The following MRPL19 variants were observed in gnomAD, a reference collection of about 807,000 sequenced individuals.
MRPL19 encodes the protein large ribosomal subunit protein bL19m.
A neutral mutation model predicts 34.0 loss-of-function variants in MRPL19; 31 were observed. That is an observed-to-expected ratio of 0.91 (90% CI 0.68 to 1.23). The LOEUF (loss-of-function observed/expected upper bound fraction) is 1.23, where lower values mean the gene tolerates loss of function less well. MRPL19 is among the 50% of genes most tolerant of loss of function. The pLI, the probability that MRPL19 is intolerant of heterozygous loss-of-function variation, is 0.00. For missense variants in MRPL19, 384 were observed against 367.6 expected (o/e 1.04, Z -0.37); for synonymous variants, 152 against 127.7 (o/e 1.19, Z -1.28).
chr2:75,647,327 C>T, intron 2 of MRPL19, 108 bp downstream of exon 2: 1 of 1,012,630 alleles, frequency 9.9e-7, no homozygotes, highest in Non-Finnish European at 1.4e-6. Flanking sequence ...TCCCCCTGCA[C>T]GAGCAGGTGT....
Position 75,655,294 on chromosome 2 carries a change from A to G in MRPL19, c.*9A>G, listed in dbSNP as rs560478298. The G allele has an allele frequency of 1.9e-6, 3 of 1,603,788 alleles. No individual in the cohort carries two copies. The highest frequency in any genetic ancestry group is 1.3e-5 in the African/African-American group (1 of 74,744). On this transcript the variant is annotated 3_prime_UTR_variant, in exon 6 of 6. Coordinates refer to ENST00000393909, the MANE Select transcript of MRPL19 (RefSeq NM_014763.4). The stretch of plus-strand genomic sequence containing the variant: ...CGTCGAAAAGGTCTTGATTCTGAGA[A>G]TGAATTTGGTTAGTTGCAGAAGATA...
rs746225312 is a variant in MRPL19, at chr2:75,652,636, A to C, written c.454A>C (p.Arg152=). ...AGGACTTGGAGCTACTTTCATCCTT[A>C]GGAATGTTATCGAAGGACAAGGTAA... is the stretch of plus-strand genomic sequence containing the variant. ...GRGLGATFIL[R]NVIEGQGVEI... The change falls in exon 4 of 6, where the codon AGG becomes CGG. Residue 152 remains arginine (R), a synonymous_variant. Transcript: ENST00000393909. 1 of 1,613,068 alleles carries C rather than the reference A, an allele frequency of 6.2e-7. No individual in the cohort carries two copies. Among genetic ancestry groups the C allele is most frequent in the Non-Finnish European group, 8.5e-7 (1 of 1,179,588 alleles).
rs1438939471 is a variant in MRPL19 at position 75,658,200 on chromosome 2, CTA to C, written c.*2918_*2919del. Among the ~76,000 whole-genome samples, 3 of 152,060 alleles carry C rather than the reference CTA, an allele frequency of 2.0e-5. No individual in the cohort carries two copies. The highest frequency in any genetic ancestry group is 4.4e-5 in the Non-Finnish European group (3 of 67,998). ...AGCAATCCTCCTTGAGTAGCTAAGA[CTA>C]TAGGCACACATTAACTGCGCCTGGC... On this transcript the variant is annotated 3_prime_UTR_variant, in exon 6 of 6. Transcript: ENST00000393909.
chr2:75,650,400 C>G (rs889107771), intron 2 of MRPL19, among the ~76,000 whole-genome samples: 2 of 152,160 alleles, frequency 1.3e-5, no homozygotes, highest in African/African-American at 2.4e-5. Flanking sequence ...CAGGCAGGGT[C>G]TAATCATTCT....
At position 75,658,459 on chromosome 2, in the gene MRPL19, A is replaced by G. The variant is rs146335206; in HGVS notation, c.*3174A>G. On this transcript the variant is annotated 3_prime_UTR_variant, in exon 6 of 6. Coordinates refer to ENST00000393909, the MANE Select transcript of MRPL19 (RefSeq NM_014763.4). ...GCTATTGTGAATAATGCTGCAGTAA[A>G]CATTGACATAACAAGTATGTATTTG... Among the ~76,000 whole-genome samples, 157 of 152,316 alleles carry G rather than the reference A, an allele frequency of 1.0e-3. No homozygotes were observed. The highest frequency in any genetic ancestry group is 3.5e-3 in the African/African-American group (145 of 41,580).
intron 1 of MRPL19, 61 bp downstream of exon 1, chr2:75,646,971 G>A: frequency 2.0e-6 from 3 of 1,497,144 alleles, no homozygotes; most frequent in Non-Finnish European, 2.7e-6. Context: ...GGATGGGGGA[G>A]GCGAACCTGG....
In MRPL19 at chr2:75,661,934, T is replaced by C. The variant is rs1416140603; in HGVS notation, c.*6649T>C. 1 of 152,224 alleles carries C rather than the reference T, an allele frequency of 6.6e-6. No individual in the cohort carries two copies. Among genetic ancestry groups the C allele is most frequent in the African/African-American group, 2.4e-5 (1 of 41,470 alleles). 9.4% of individuals were successfully genotyped at this position (152,224 alleles called of 1,614,324 possible). On this transcript the variant is annotated 3_prime_UTR_variant, in exon 6 of 6. Coordinates refer to ENST00000393909, the MANE Select transcript of MRPL19 (RefSeq NM_014763.4). ...GAGCAGACATCCTTGCTTTAATATT[T>C]CACCATTATATATGATGTTAGGTAT... is the stretch of plus-strand genomic sequence containing the variant.
rs1445938134 is a variant in MRPL19, at chr2:75,647,151, C to T, written c.153C>T (p.Pro51=). 2.5e-6 allele frequency: 4 copies of T among 1,578,020 alleles called. No homozygotes were observed. The highest frequency in any genetic ancestry group is 1.3e-5 in the African/African-American group (1 of 74,276). The change falls in exon 2 of 6, where the codon CCC becomes CCT. Residue 51 remains proline, a synonymous_variant. Transcript: ENST00000393909. ...VRQQSTGPSE[P]GAFQPPPKPV... ...AGCAGAGCACTGGGCCTTCCGAGCC[C>T]GGTGCGTTCCAACCGCCGCCGAAAC...
At position 75,656,559 on chromosome 2, in the gene MRPL19, C is replaced by G. The variant is rs1678457945; in HGVS notation, c.*1274C>G. On this transcript the variant is annotated 3_prime_UTR_variant, in exon 6 of 6. Coordinates refer to ENST00000393909, the MANE Select transcript of MRPL19 (RefSeq NM_014763.4). Reference sequence around the variant, plus strand: ...TTGTGTGGAGGTAAAATTTTTGAGACCTTGCATGTCTCATGTTTGATTGAT... The same window carrying G: ...TTGTGTGGAGGTAAAATTTTTGAGAGCTTGCATGTCTCATGTTTGATTGAT... 5.5e-5 allele frequency: 8 copies of G among 145,018 alleles called. No individual in the cohort carries two copies. Among genetic ancestry groups the G allele is most frequent in the Admixed American group, 5.5e-4 (8 of 14,564 alleles). The allele number at this position is 145,018 out of a possible 1,614,324, so 9.0% of individuals were successfully genotyped here. A position where few individuals can be genotyped will look rare whatever the true frequency, so the allele number is the denominator to read the frequency against.
rs1678622543 is a variant in MRPL19, at chr2:75,661,622, G to A, written c.*6337G>A. ...ATCCTATTCGAAGGATTAGAAAAAT[G>A]ATATATCTTTCACTTTTTCAGGGAT... On this transcript the variant is annotated 3_prime_UTR_variant, in exon 6 of 6. Coordinates refer to ENST00000393909, the MANE Select transcript of MRPL19 (RefSeq NM_014763.4). The A allele has an allele frequency of 1.3e-5, 2 of 152,168 alleles. No individual in the cohort carries two copies. Among genetic ancestry groups the A allele is most frequent in the Admixed American group, 1.3e-4 (2 of 15,272 alleles). The allele number at this position is 152,168 out of a possible 1,614,324, so 9.4% of individuals were successfully genotyped here.
chr2:75,654,237 G>GT lies in MRPL19; in HGVS notation c.476-498dup, dbSNP rs1347415738. Among the ~76,000 whole-genome samples, 4 of 152,236 alleles carry GT rather than the reference G, an allele frequency of 2.6e-5. No individual in the cohort carries two copies. In the South Asian group the frequency reaches 6.2e-4, roughly 24 times the overall value. ...GCACTGTGCCCTCACATGGTGAAAGGTGGAAGGGCAAAAGGCAAAACTAGT... is the reference window on the plus strand; with the variant it reads ...GCACTGTGCCCTCACATGGTGAAAGGTTGGAAGGGCAAAAGGCAAAACTAGT... On this transcript the variant is annotated intron_variant, in intron 4 of 5. Coordinates refer to ENST00000393909, the MANE Select transcript of MRPL19 (RefSeq NM_014763.4).
chr2:75,650,277 AAAG>A lies in MRPL19; in HGVS notation c.222-1859_222-1857del, dbSNP rs1678304262. On this transcript the variant is annotated intron_variant, in intron 2 of 5. Coordinates refer to ENST00000393909, the MANE Select transcript of MRPL19 (RefSeq NM_014763.4). Reference sequence around the variant, plus strand: ...TTTCATAATGAGCTTAAAATCAGTTAAAGAAGAAAAAAAGAAGATTATTATTTT... The same window carrying A: ...TTTCATAATGAGCTTAAAATCAGTTAAAGAAAAAAAGAAGATTATTATTTT... Among the ~76,000 whole-genome samples the A allele has an allele frequency of 3.7e-5, 5 of 135,418 alleles. No individual in the cohort carries two copies. In the Admixed American group the frequency reaches 3.7e-4, roughly 10 times the overall value. 88.8% of individuals were successfully genotyped at this position (135,418 alleles called of 152,430 possible).
intron 2 of MRPL19, among the ~76,000 whole-genome samples, chr2:75,649,225 G>A (rs1183568822): frequency 6.6e-6 from 1 of 152,216 alleles, no homozygotes; most frequent in African/African-American, 2.4e-5. Context: ...GACCAAATAT[G>A]TGTGAAGCTT....
Position 75,658,921 on chromosome 2 carries a change from G to A in MRPL19, c.*3636G>A, listed in dbSNP as rs1678533644. Among the ~76,000 whole-genome samples, 1 of 146,714 alleles carries A rather than the reference G, an allele frequency of 6.8e-6. No homozygotes were observed. Among genetic ancestry groups the A allele is most frequent in the African/African-American group, 2.6e-5 (1 of 38,346 alleles). On this transcript the variant is annotated 3_prime_UTR_variant, in exon 6 of 6. Transcript: ENST00000393909. Reference sequence around the variant, plus strand: ...TGTGTCTTTGGAGCTATAGTCTCTTGTAGACAGCATATCACTATCTTGTTT... The same window carrying A: ...TGTGTCTTTGGAGCTATAGTCTCTTATAGACAGCATATCACTATCTTGTTT...
rs546983299 is a variant in MRPL19 at position 75,659,759 on chromosome 2, C to T, written c.*4474C>T. Among the ~76,000 whole-genome samples, 3 of 152,282 alleles carry T rather than the reference C, an allele frequency of 2.0e-5. No individual in the cohort carries two copies. The highest frequency in any genetic ancestry group is 7.2e-5 in the African/African-American group (3 of 41,576). The stretch of plus-strand genomic sequence containing the variant: ...GATGTTATAAAATTTGAGGATTCCT[C>T]ATTCTTGATGAGTCAGTTCTGTCTT... On this transcript the variant is annotated 3_prime_UTR_variant, in exon 6 of 6. Coordinates refer to ENST00000393909, the MANE Select transcript of MRPL19 (RefSeq NM_014763.4).
chr2:75,654,455 T>C (rs184666696), intron 4 of MRPL19, among the ~76,000 whole-genome samples: 2 of 152,218 alleles, frequency 1.3e-5, no homozygotes, highest in Non-Finnish European at 2.9e-5. Flanking sequence ...GTTACTACTA[T>C]GAGAATTGAA....
At position 75,660,193 on chromosome 2, in the gene MRPL19, T is replaced by C. The variant is rs1355793651; in HGVS notation, c.*4908T>C. On this transcript the variant is annotated 3_prime_UTR_variant, in exon 6 of 6. Coordinates refer to ENST00000393909, the MANE Select transcript of MRPL19 (RefSeq NM_014763.4). ...TACTTTTCAGCTCCAAGATTTATCTTTGGTTCCTTTTTATAACGTCTGTGT... is the reference window on the plus strand; with the variant it reads ...TACTTTTCAGCTCCAAGATTTATCTCTGGTTCCTTTTTATAACGTCTGTGT... 6.6e-6 allele frequency among the ~76,000 whole-genome samples: 1 copy of C among 152,184 alleles called. No homozygotes were observed. The highest frequency in any genetic ancestry group is 2.4e-5 in the African/African-American group (1 of 41,466).
chr2:75,661,843 G>C lies in MRPL19; in HGVS notation c.*6558G>C, dbSNP rs754570203. Reference sequence around the variant, plus strand: ...TTAACTCTTGTGTTTCAATGTTTATGCCTTCTTTTATCTTGACTGATTGTA... The same window carrying C: ...TTAACTCTTGTGTTTCAATGTTTATCCCTTCTTTTATCTTGACTGATTGTA... On this transcript the variant is annotated 3_prime_UTR_variant, in exon 6 of 6. Coordinates refer to ENST00000393909, the MANE Select transcript of MRPL19 (RefSeq NM_014763.4). 5.3e-5 allele frequency: 8 copies of C among 152,156 alleles called. No individual in the cohort carries two copies. Among genetic ancestry groups the C allele is most frequent in the Non-Finnish European group, 1.2e-4 (8 of 68,038 alleles). 9.4% of individuals were successfully genotyped at this position (152,156 alleles called of 1,614,324 possible). A position where few individuals can be genotyped will look rare whatever the true frequency, so the allele number is the denominator to read the frequency against.
rs185074554 is a variant in MRPL19, at chr2:75,654,187, T to A, written c.476-549T>A. ...TCCCTGCATCCAAGATGGTGCCTTG[T>A]TGCTGTGTGCTCTGGAAGGGCCAAG... On this transcript the variant is annotated intron_variant, in intron 4 of 5. Coordinates refer to ENST00000393909, the MANE Select transcript of MRPL19 (RefSeq NM_014763.4). Among the ~76,000 whole-genome samples, 263 of 152,266 alleles carry A rather than the reference T, an allele frequency of 1.7e-3. 1 individual carries two copies. Among genetic ancestry groups the A allele is most frequent in the African/African-American group, 6.1e-3 (255 of 41,554 alleles).
Sources: gnomAD v4.1 joint callset for allele counts (sites outside exome capture counted in the v4.1 genomes callset) on GRCh38, gnomAD v4.1.1 for gene constraint, MANE v1.5 for transcripts, NCBI Gene and HGNC (gene_info 2026-07-23, HGNC 2026-07-21) for gene names.